TMED5: variants seen among roughly 807,000 people sequenced by gnomAD.
TMED5 encodes the protein transmembrane p24 trafficking protein 5.
Under a neutral mutation model 23.0 loss-of-function variants are expected in TMED5, and 27 were observed. That is an observed-to-expected ratio of 1.17 (90% CI 0.86 to 1.62). The LOEUF (loss-of-function observed/expected upper bound fraction) is 1.62, where lower values mean the gene tolerates loss of function less well. TMED5 is among the 40% of genes most tolerant of loss of function. TMED5 has a pLI of 0.00. For missense variants in TMED5, 248 were observed against 273.7 expected (o/e 0.91, Z 0.66); for synonymous variants, 97 against 100.8 (o/e 0.96, Z 0.23).
In TMED5 at chr1:93,156,460, T is replaced by C. The variant is rs1339592942; in HGVS notation, c.311A>G (p.Tyr104Cys). 9 of 1,613,786 alleles carry C rather than the reference T, an allele frequency of 5.6e-6. No homozygotes were observed. Among genetic ancestry groups the C allele is most frequent in the Non-Finnish European group, 7.6e-6 (9 of 1,179,796 alleles). ...VHTVETEVGD[Y>C]MFCFDNTFST... ...GAATGTATTGTCAAAGCAGAACATG[T>C]AATCACCAACTTCAGTCTCTACACT... Residue 104 changes from tyrosine (Y) to cysteine (C), a missense_variant, in exon 3 of 4, where the codon TAC becomes TGC. Coordinates refer to ENST00000370282, the MANE Select transcript of TMED5 (RefSeq NM_016040.5).
In TMED5 at chr1:93,151,594, A is replaced by G. The variant is rs984299160; in HGVS notation, c.*3076T>C. On this transcript the variant is annotated 3_prime_UTR_variant, in exon 4 of 4. Coordinates refer to ENST00000370282, the MANE Select transcript of TMED5 (RefSeq NM_016040.5). ...CCCTGGGTGCTTATTTAGCATACCA[A>G]ACTTTAAGAACTGATTATCTTTCCT... is the stretch of plus-strand genomic sequence containing the variant. 3 of 152,178 alleles carry G rather than the reference A, an allele frequency of 2.0e-5. No individual in the cohort carries two copies. In the East Asian group the frequency reaches 5.8e-4, roughly 29 times the overall value. 9.4% of individuals were successfully genotyped at this position (152,178 alleles called of 1,614,324 possible).
intron 1 of TMED5, among the ~76,000 whole-genome samples, chr1:93,178,628 T>TG (rs1649036538): frequency 6.6e-6 from 1 of 152,204 alleles, no homozygotes; most frequent in Non-Finnish European, 1.5e-5. Flanking sequence ...TGGCACGTGT[T>TG]AACTGTTCAG....
intron 1 of TMED5, among the ~76,000 whole-genome samples, chr1:93,170,979 A>G (rs1319991862): frequency 6.6e-6 from 1 of 152,190 alleles, no homozygotes; most frequent in Non-Finnish European, 1.5e-5. Flanking sequence ...GAATTAAAGC[A>G]GGCTGCCTCA....
In TMED5 at chr1:93,157,580, C is replaced by T. The variant is rs918038768; in HGVS notation, c.288-1097G>A. On this transcript the variant is annotated intron_variant, in intron 2 of 3. Transcript: ENST00000370282. ...TCTCTACAAAAATTAAAAAATTAGC[C>T]GAGTACACACCTGTAGTCCTAGCTA... 2.0e-5 allele frequency among the ~76,000 whole-genome samples: 3 copies of T among 151,996 alleles called. No homozygotes were observed. In the South Asian group the frequency reaches 6.2e-4, roughly 32 times the overall value.
At chr1:93,171,838 T>C (rs1161379041) in intron 1 of TMED5, among the ~76,000 whole-genome samples, 1 of 152,200 alleles carries the variant, frequency 6.6e-6, no homozygotes, top group Non-Finnish European at 1.5e-5. Context: ...GATTCGACAA[T>C]GTAAACAAAG....
Position 93,154,645 on chromosome 1 carries a change from A to G in TMED5, c.*25T>C, listed in dbSNP as rs776242162. ...TTGCATTTTTATGCCTCATTTTTCA[A>G]TGTTACGTACTCTAGTTTGGAGTTT... On this transcript the variant is annotated 3_prime_UTR_variant, in exon 4 of 4. Transcript: ENST00000370282. The G allele has an allele frequency of 1.4e-5, 22 of 1,551,198 alleles. No homozygotes were observed. Among genetic ancestry groups the G allele is most frequent in the African/African-American group, 9.5e-5 (7 of 73,496 alleles).
At chr1:93,179,543 A>T (rs1649179013) in intron 1 of TMED5, among the ~76,000 whole-genome samples, 1 of 152,240 alleles carries the variant, frequency 6.6e-6, no homozygotes, top group South Asian at 2.1e-4. Context: ...AAAAAATTTC[A>T]AAATCGGGCT....
At chr1:93,174,690 G>A (rs1648845360) in intron 1 of TMED5, among the ~76,000 whole-genome samples, 1 of 152,066 alleles carries the variant, frequency 6.6e-6, no homozygotes, top group Non-Finnish European at 1.5e-5. Flanking sequence ...CCGTCTTTGT[G>A]TTCATAAGTT....
At chr1:93,171,774 A>C (rs985029346) in intron 1 of TMED5, among the ~76,000 whole-genome samples, 7 of 152,234 alleles carry the variant, frequency 4.6e-5, no homozygotes, top group African/African-American at 1.7e-4. Flanking sequence ...ACTACATACC[A>C]GTATCTCTTA....
intron 1 of TMED5, among the ~76,000 whole-genome samples, chr1:93,173,872 A>G (rs1030194704): frequency 1.3e-5 from 2 of 152,218 alleles, no homozygotes; most frequent in South Asian, 2.1e-4. Flanking sequence ...CAAACCCTAT[A>G]TGTTTTTATG....
At chr1:93,178,585 C>T (rs1649027785) in intron 1 of TMED5, among the ~76,000 whole-genome samples, 1 of 152,104 alleles carries the variant, frequency 6.6e-6, no homozygotes, top group South Asian at 2.1e-4. Context: ...ACCCAGCTCC[C>T]CCTCCGTCTC....
rs751028372 is a variant in TMED5, at chr1:93,180,076, G to T, written c.167C>A (p.Ala56Asp). The change falls in exon 1 of 4, where the codon GCC (alanine) becomes GAC (aspartate). Residue 56 changes from alanine (A) to aspartate (D), a missense_variant. Coordinates refer to ENST00000370282, the MANE Select transcript of TMED5 (RefSeq NM_016040.5). ...ECFYQPMPLKASLEIEYQVLD... is the reference protein window; with the variant it reads ...ECFYQPMPLKDSLEIEYQVLD... ...TACTTGGTACTCGATCTCCAGCGAG[G>T]CCTTCAGGGGCATGGGCTGGTAGAA... 2 of 1,613,236 alleles carry T rather than the reference G, an allele frequency of 1.2e-6. No individual in the cohort carries two copies. Among genetic ancestry groups the T allele is most frequent in the South Asian group, 2.2e-5 (2 of 91,050 alleles).
intron 1 of TMED5, among the ~76,000 whole-genome samples, chr1:93,170,137 G>C (rs6663752): frequency 1.9e-4 from 29 of 152,264 alleles, no homozygotes; most frequent in African/African-American, 7.0e-4. Flanking sequence ...CGCTCTCAGC[G>C]CCTCCTTGGC....
rs887562712 is a variant in TMED5, at chr1:93,150,353, C to T, written c.*4317G>A. ...ATTCCATGGTGTGGACATACTAAACCATTCACTCTTTTTGAAGGACATCCA... is the reference window on the plus strand; with the variant it reads ...ATTCCATGGTGTGGACATACTAAACTATTCACTCTTTTTGAAGGACATCCA... On this transcript the variant is annotated 3_prime_UTR_variant, in exon 4 of 4. Transcript: ENST00000370282. The T allele has an allele frequency of 2.0e-5, 3 of 152,138 alleles. No individual in the cohort carries two copies. Among genetic ancestry groups the T allele is most frequent in the Non-Finnish European group, 4.4e-5 (3 of 68,032 alleles). 9.4% of individuals were successfully genotyped at this position (152,138 alleles called of 1,614,324 possible).
At position 93,154,492 on chromosome 1, in the gene TMED5, G is replaced by C; in HGVS notation, c.*178C>G. 1.7e-6 allele frequency: 1 copy of C among 596,990 alleles called. No individual in the cohort carries two copies. The highest frequency in any genetic ancestry group is 2.8e-5 in the East Asian group (1 of 35,752). The allele number at this position is 596,990 out of a possible 1,614,324, so 37.0% of individuals were successfully genotyped here. A position where few individuals can be genotyped will look rare whatever the true frequency, so the allele number is the denominator to read the frequency against. ...TCCTGTTACACACTTAAGTACAACT[G>C]GATCAGCAGGATTACTTGCACAGAA... On this transcript the variant is annotated 3_prime_UTR_variant, in exon 4 of 4. Transcript: ENST00000370282.
Position 93,180,195 on chromosome 1 carries a change from A to T in TMED5, c.48T>A (p.Ala16=). 6.2e-7 allele frequency: 1 copy of T among 1,613,378 alleles called. No individual in the cohort carries two copies. Among genetic ancestry groups the T allele is most frequent in the Non-Finnish European group, 8.5e-7 (1 of 1,179,776 alleles). The change falls in exon 1 of 4, where the codon GCT becomes GCA. Residue 16 remains alanine (A), a synonymous_variant. Coordinates refer to ENST00000370282, the MANE Select transcript of TMED5 (RefSeq NM_016040.5). ...WLPFPVLLLA[A]LPPVLLPGAA... The stretch of plus-strand genomic sequence containing the variant: ...CCCCAGGCAGCAGCACCGGAGGCAG[A>T]GCGGCCAGAAGGAGCACGGGGAAGG...
chr1:93,180,310 C>A lies in TMED5; in HGVS notation c.-68G>T. The A allele has an allele frequency of 6.7e-7, 1 of 1,493,178 alleles. No individual in the cohort carries two copies. The highest frequency in any genetic ancestry group is 2.5e-5 in the East Asian group (1 of 40,432). The allele number at this position is 1,493,178 out of a possible 1,614,324, so 92.5% of individuals were successfully genotyped here. ...GTTGTCTCCGCTCCGCGTTTCCTCT[C>A]TGGACTCCTCGTGGTTGACAGGGAA... On this transcript the variant is annotated 5_prime_UTR_variant, in exon 1 of 4. Transcript: ENST00000370282.
intron 1 of TMED5, among the ~76,000 whole-genome samples, chr1:93,173,053 G>A (rs998441181): frequency 2.6e-5 from 4 of 152,108 alleles, no homozygotes; most frequent in African/African-American, 9.7e-5. Flanking sequence ...TGGGGGTGGG[G>A]GACTTGGGGA....
At chr1:93,171,695 C>A in intron 1 of TMED5, among the ~76,000 whole-genome samples, 1 of 152,178 alleles carries the variant, frequency 6.6e-6, no homozygotes, top group Non-Finnish European at 1.5e-5. Context: ...GGGAACAATT[C>A]TTTACTCATT....
Sources: gnomAD v4.1 joint callset for allele counts (sites outside exome capture counted in the v4.1 genomes callset) on GRCh38, gnomAD v4.1.1 for gene constraint, MANE v1.5 for transcripts, NCBI Gene and HGNC (gene_info 2026-07-23, HGNC 2026-07-21) for gene names.